ASXL1: variants seen among roughly 807,000 people sequenced by gnomAD.
ASXL1 encodes the protein polycomb group protein ASXL1.
In ASXL1, 65 loss-of-function variants were observed where a neutral mutation model predicts 89.1. That is an observed-to-expected ratio of 0.73 (90% CI 0.60 to 0.90). The LOEUF (loss-of-function observed/expected upper bound fraction) is 0.90, where lower values mean the gene tolerates loss of function less well. ASXL1 is among the 40% of genes least tolerant of loss of function. ASXL1 has a pLI of 0.00. For missense variants in ASXL1, 1,786 were observed against 1,942.9 expected (o/e 0.92, Z 1.52); for synonymous variants, 739 against 746.9 (o/e 0.99, Z 0.17).
chr20:32,394,183 T>C (rs1323820198), intron 4 of ASXL1, among the ~76,000 whole-genome samples: 1 of 152,116 alleles, frequency 6.6e-6, no homozygotes, highest in Non-Finnish European at 1.5e-5. Flanking sequence ...TTTGTATTTT[T>C]AGTAGAGACA....
rs760950867 is a variant in ASXL1 at position 32,429,577 on chromosome 20, C to T, written c.565+146C>T. The T allele has an allele frequency of 5.0e-4, 447 of 888,176 alleles. 1 individual carries two copies. Among genetic ancestry groups the T allele is most frequent in the Non-Finnish European group, 7.1e-4 (390 of 548,212 alleles). The allele number at this position is 888,176 out of a possible 1,614,324, so 55.0% of individuals were successfully genotyped here. A position where few individuals can be genotyped will look rare whatever the true frequency, so the allele number is the denominator to read the frequency against. ...AGCCCTGCCAATGGATGAGGCCTGC[C>T]ATAGGTTCTAGTGCTGGGCTCTGCT... On this transcript the variant is annotated intron_variant, in intron 7 of 12. Coordinates refer to ENST00000375687, the MANE Select transcript of ASXL1 (RefSeq NM_015338.6). The surrounding 1 kb of genome is among the most constrained non-coding windows in gnomAD (Gnocchi z 4.9).
intron 4 of ASXL1, among the ~76,000 whole-genome samples, chr20:32,373,182 G>GC (rs1271390820): frequency 6.6e-6 from 1 of 151,282 alleles, no homozygotes; most frequent in East Asian, 2.0e-4. Context: ...TTCAAGACCA[G>GC]CCTGGCCAAC....
chr20:32,414,304 TTTTTC>T (rs1357522551), intron 4 of ASXL1, among the ~76,000 whole-genome samples: 2 of 151,900 alleles, frequency 1.3e-5, no homozygotes, highest in African/African-American at 4.8e-5. Flanking sequence ...ATGGAGCTTC[TTTTTC>T]TTTTTTTTTT....
In ASXL1 at chr20:32,434,487, A is replaced by G. The variant is rs750512886; in HGVS notation, c.1775A>G (p.Gln592Arg). ...GTGGTTAAAGGTCAGCCCACTTACC[A>G]GATATGCCCCCGGATCATCCCCACC... ...PWVVKGQPTY[Q>R]ICPRIIPTTE... Residue 592 changes from glutamine to arginine, a missense_variant, in exon 13 of 13, where the codon CAG becomes CGG. By Grantham distance (43) the Gln-to-Arg change is conservative. This residue lies in a region of ASXL1 where 1,418 missense variants were observed against 1,427.8 expected (regional missense o/e 0.99). Coordinates refer to ENST00000375687, the MANE Select transcript of ASXL1 (RefSeq NM_015338.6). 1.2e-6 allele frequency: 2 copies of G among 1,614,100 alleles called. No individual in the cohort carries two copies. Among genetic ancestry groups the G allele is most frequent in the Non-Finnish European group, 1.7e-6 (2 of 1,180,026 alleles).
intron 4 of ASXL1, among the ~76,000 whole-genome samples, chr20:32,406,960 A>G (rs1395540731): frequency 6.6e-6 from 1 of 152,110 alleles, no homozygotes; most frequent in Non-Finnish European, 1.5e-5. Context: ...GTACCATGTA[A>G]TGGAAGGGAA....
chr20:32,368,295 G>A (rs1018404720), intron 3 of ASXL1, among the ~76,000 whole-genome samples: 5 of 152,160 alleles, frequency 3.3e-5, no homozygotes, highest in African/African-American at 1.2e-4. Flanking sequence ...CCTTTGCACT[G>A]AATTGTCACG....
intron 4 of ASXL1, among the ~76,000 whole-genome samples, chr20:32,404,665 G>T (rs372140258): frequency 6.6e-6 from 1 of 152,112 alleles, no homozygotes; most frequent in African/African-American, 2.4e-5. Flanking sequence ...GCTGGGACTT[G>T]TTTGCTGTGT....
At chr20:32,391,324 T>G (rs2048667560) in intron 4 of ASXL1, among the ~76,000 whole-genome samples, 1 of 152,228 alleles carries the variant, frequency 6.6e-6, no homozygotes, top group South Asian at 2.1e-4. Context: ...CTGCTGTGAA[T>G]AAATATTTGT....
chr20:32,369,718 CTTTTT>C (rs386393629), intron 4 of ASXL1, among the ~76,000 whole-genome samples: 2 of 94,622 alleles, frequency 2.1e-5, no homozygotes, highest in Middle Eastern at 9.6e-3. Flanking sequence ...GCAGATGTGC[CTTTTT>C]TTTTTTTTTT....
rs776017976 is a variant in ASXL1 at position 32,436,752 on chromosome 20, G to A, written c.4040G>A (p.Gly1347Asp). ...KLGPSTNSMS[G>D]GVQTPREDWA... ...GGACCAAGCACAAACTCCATGTCTG[G>A]TGGGGTACAGACTCCAAGGGAAGAC... The change falls in exon 13 of 13, where the codon GGT becomes GAT. Residue 1347 changes from glycine to aspartate, a missense_variant. Physicochemically the swap from Gly to Asp is moderately conservative, Grantham distance 94. Coordinates refer to ENST00000375687, the MANE Select transcript of ASXL1 (RefSeq NM_015338.6). The A allele has an allele frequency of 6.2e-7, 1 of 1,614,136 alleles. No homozygotes were observed. Among genetic ancestry groups the A allele is most frequent in the Non-Finnish European group, 8.5e-7 (1 of 1,180,036 alleles).
At chr20:32,375,521 CTT>C (rs1045918057) in intron 4 of ASXL1, among the ~76,000 whole-genome samples, 1 of 151,682 alleles carries the variant, frequency 6.6e-6, no homozygotes, top group African/African-American at 2.4e-5. Context: ...ACTCAAGAAA[CTT>C]AACATTGATA....
chr20:32,359,753 G>A (rs2048078600), intron 1 of ASXL1: 1 of 718,154 alleles, frequency 1.4e-6, no homozygotes, highest in Non-Finnish European at 2.6e-6. Context: ...ACCGATGGGG[G>A]TTGTGAATTT....
In ASXL1 at chr20:32,429,921, G is replaced by A. The variant is rs1005458245; in HGVS notation, c.586G>A (p.Asp196Asn). The A allele has an allele frequency of 1.4e-5, 22 of 1,608,054 alleles. No homozygotes were observed. Among genetic ancestry groups the A allele is most frequent in the African/African-American group, 2.7e-5 (2 of 74,866 alleles). ...SASGFSGCHA[D>N]GESGSPSSSS... is the part of the protein sequence containing the mutation. ...TTCAGGGTTCTCGGGCTGCCACGCC[G>A]ATGGCGAGAGCGGCAGCCCGTCCAG... is the stretch of plus-strand genomic sequence containing the variant. The change falls in exon 8 of 13, where the codon GAT becomes AAT. Residue 196 changes from aspartate to asparagine, a missense_variant. This residue lies in a region of ASXL1 where 332 missense variants were observed against 449.7 expected (regional missense o/e 0.74). Coordinates refer to ENST00000375687, the MANE Select transcript of ASXL1 (RefSeq NM_015338.6). This position sits in a 1 kb window ranked among gnomAD's most constrained non-coding sequence, Gnocchi z 4.9.
At chr20:32,411,576 C>T in intron 4 of ASXL1, among the ~76,000 whole-genome samples, 1 of 132,184 alleles carries the variant, frequency 7.6e-6, no homozygotes, top group Admixed American at 8.6e-5. Flanking sequence ...AAGACTCGCT[C>T]TGTTGCCCAG....
intron 4 of ASXL1, among the ~76,000 whole-genome samples, chr20:32,399,098 C>T (rs2048823509): frequency 1.3e-5 from 2 of 151,860 alleles, no homozygotes; most frequent in Admixed American, 1.3e-4. Context: ...GTAATCCCAG[C>T]TACTTGGAAG....
At chr20:32,375,525 A>T (rs2048363000) in intron 4 of ASXL1, among the ~76,000 whole-genome samples, 1 of 152,194 alleles carries the variant, frequency 6.6e-6, no homozygotes, top group East Asian at 1.9e-4. Context: ...AAGAAACTTA[A>T]CATTGATATG....
chr20:32,379,161 C>CTTTTTTTTTT lies in ASXL1; in HGVS notation c.252+10070_252+10079dup, dbSNP rs71187113. ...ACTCACTGTCAGGTATAACTTCAGT[C>CTTTTTTTTTT]TTTTTTTTTTTTTTTTTTTTTTTTT... is the stretch of plus-strand genomic sequence containing the variant. On this transcript the variant is annotated intron_variant, in intron 4 of 12. Coordinates refer to ENST00000375687, the MANE Select transcript of ASXL1 (RefSeq NM_015338.6). 3.7e-4 allele frequency among the ~76,000 whole-genome samples: 23 copies of CTTTTTTTTTT among 61,794 alleles called. 2 individuals carry two copies. The highest frequency in any genetic ancestry group is 6.5e-4 in the East Asian group (1 of 1,534). The allele number at this position is 61,794 out of a possible 152,430, so 40.5% of individuals were successfully genotyped here.
chr20:32,391,268 G>C (rs374249107), intron 4 of ASXL1, among the ~76,000 whole-genome samples: 2 of 152,164 alleles, frequency 1.3e-5, no homozygotes, highest in East Asian at 3.8e-4. Context: ...TTCTTCAGTT[G>C]ATAGACATTT....
intron 4 of ASXL1, among the ~76,000 whole-genome samples, chr20:32,376,599 TTC>T: frequency 6.6e-6 from 1 of 152,058 alleles, no homozygotes; most frequent in East Asian, 1.9e-4. Flanking sequence ...TAACTCACAT[TTC>T]TCTGTTTTCC....
Sources: gnomAD v4.1 joint callset for allele counts (sites outside exome capture counted in the v4.1 genomes callset) on GRCh38, gnomAD v4.1.1 for gene constraint, gnomAD v4.1.1 regional missense constraint, Gnocchi (gnomAD v3.1) non-coding constraint, MANE v1.5 for transcripts, NCBI Gene and HGNC (gene_info 2026-07-23, HGNC 2026-07-21) for gene names.